The following CRADD variants were observed in gnomAD, a reference collection of about 807,000 sequenced individuals.
CRADD encodes death domain-containing protein CRADD.
CRADD carries 9 observed loss-of-function variants against 15.5 expected under a neutral mutation model. That is an observed-to-expected ratio of 0.58 (90% CI 0.35 to 1.01). CRADD has a LOEUF of 1.01. Ranked by LOEUF, CRADD falls within the 50% of genes least tolerant of loss-of-function variation. CRADD has a pLI of 0.02. For missense variants in CRADD, 227 were observed against 250.3 expected (o/e 0.91, Z 0.63); for synonymous variants, 118 against 107.6 (o/e 1.10, Z -0.60).
At chr12:93,685,255 A>G (rs2136799223) in intron 2 of CRADD, among the ~76,000 whole-genome samples, 1 of 152,134 alleles carries the variant, frequency 6.6e-6, no homozygotes, top group East Asian at 1.9e-4. Context: ...TAGAGACTAG[A>G]ATTGTGGTTA....
At chr12:93,840,493 T>C (rs182106100) in intron 2 of CRADD, among the ~76,000 whole-genome samples, 32 of 152,306 alleles carry the variant, frequency 2.1e-4, no homozygotes, top group African/African-American at 7.7e-4. Flanking sequence ...TTAGGTCATA[T>C]TGTCTGAAAA....
At chr12:93,719,712 A>G (rs1956224709) in intron 2 of CRADD, among the ~76,000 whole-genome samples, 1 of 152,168 alleles carries the variant, frequency 6.6e-6, no homozygotes, top group African/African-American at 2.4e-5. Flanking sequence ...CAGGTATGTT[A>G]TCAAATTTGT....
At chr12:93,704,531 A>T (rs994843993) in intron 2 of CRADD, among the ~76,000 whole-genome samples, 2 of 152,094 alleles carry the variant, frequency 1.3e-5, no homozygotes, top group Admixed American at 1.3e-4. Flanking sequence ...ACATTCCCCA[A>T]ATCTGTCTAC....
intron 2 of CRADD, among the ~76,000 whole-genome samples, chr12:93,724,858 T>TATC (rs950828241): frequency 7.3e-5 from 11 of 151,430 alleles, no homozygotes; most frequent in African/African-American, 2.7e-4. Context: ...TTATTATTAT[T>TATC]ATCATTATTA....
At chr12:93,811,439 C>T (rs1957625483) in intron 2 of CRADD, among the ~76,000 whole-genome samples, 1 of 152,210 alleles carries the variant, frequency 6.6e-6, no homozygotes, top group South Asian at 2.1e-4. Flanking sequence ...GGCTGGCTAC[C>T]TATACTGGCA....
intron 2 of CRADD, among the ~76,000 whole-genome samples, chr12:93,679,470 G>C (rs1955236348): frequency 6.6e-6 from 1 of 152,124 alleles, no homozygotes; most frequent in Non-Finnish European, 1.5e-5. Context: ...TTTGAAGTTG[G>C]GATGTAAGGC....
At chr12:93,819,110 G>A (rs1370115434) in intron 2 of CRADD, among the ~76,000 whole-genome samples, 1 of 152,248 alleles carries the variant, frequency 6.6e-6, no homozygotes, top group Admixed American at 6.5e-5. Context: ...TGTCACCCAT[G>A]TGGGCAGGCC....
At chr12:93,682,019 A>G (rs1045110935) in intron 2 of CRADD, among the ~76,000 whole-genome samples, 1 of 152,188 alleles carries the variant, frequency 6.6e-6, no homozygotes, top group Admixed American at 6.5e-5. Context: ...AATATTTTTT[A>G]CATGTTTAAA....
At chr12:93,864,902 C>T (rs985876799) in intron 2 of CRADD, among the ~76,000 whole-genome samples, 1 of 152,162 alleles carries the variant, frequency 6.6e-6, no homozygotes, top group African/African-American at 2.4e-5. Flanking sequence ...CCTCATAACA[C>T]CGTTATAAGG....
intron 2 of CRADD, among the ~76,000 whole-genome samples, chr12:93,841,871 T>TA (rs1298019870): frequency 1.3e-5 from 2 of 152,148 alleles, no homozygotes; most frequent in South Asian, 2.1e-4. Context: ...ATATGACACT[T>TA]ACATCAGTAA....
At chr12:93,844,300 T>C (rs1958086615) in intron 2 of CRADD, among the ~76,000 whole-genome samples, 1 of 152,182 alleles carries the variant, frequency 6.6e-6, no homozygotes. Context: ...GTTGACATCC[T>C]TGGGACTCTC....
chr12:93,836,370 C>T (rs561679320), intron 2 of CRADD, among the ~76,000 whole-genome samples: 1 of 152,176 alleles, frequency 6.6e-6, no homozygotes, highest in African/African-American at 2.4e-5. Context: ...TTTCTTCATT[C>T]CCTTAGGTGT....
chr12:93,808,296 A>G (rs1466247769), intron 2 of CRADD, among the ~76,000 whole-genome samples: 1 of 152,158 alleles, frequency 6.6e-6, no homozygotes, highest in Non-Finnish European at 1.5e-5. Flanking sequence ...CCTCACAATC[A>G]TGGCAGAAGG....
At chr12:93,725,179 G>A (rs376345279) in intron 2 of CRADD, among the ~76,000 whole-genome samples, 1 of 152,170 alleles carries the variant, frequency 6.6e-6, no homozygotes. Flanking sequence ...TATTTTTTAT[G>A]TTCATCCCCC....
At chr12:93,719,038 G>A (rs1015080326) in intron 2 of CRADD, among the ~76,000 whole-genome samples, 4 of 152,182 alleles carry the variant, frequency 2.6e-5, no homozygotes, top group Non-Finnish European at 5.9e-5. Flanking sequence ...GGGATTACAG[G>A]TGTGGGTCAC....
chr12:93,885,213 C>T (rs1284758670), intron 2 of CRADD, among the ~76,000 whole-genome samples: 1 of 152,206 alleles, frequency 6.6e-6, no homozygotes, highest in African/African-American at 2.4e-5. Flanking sequence ...ATAGTGGTCA[C>T]ATCAGGTCAA....
intron 2 of CRADD, among the ~76,000 whole-genome samples, chr12:93,779,906 T>A (rs7975577): frequency 0.52 from 79,467 of 151,996 alleles, 21,187 homozygotes; most frequent in East Asian, 0.7. Flanking sequence ...CATTTTAAGA[T>A]CAAGGAATTT....
chr12:93,828,643 A>G (rs1474484271), intron 2 of CRADD, among the ~76,000 whole-genome samples: 1 of 152,244 alleles, frequency 6.6e-6, no homozygotes, highest in African/African-American at 2.4e-5. Context: ...AAAGGTTTCC[A>G]CATGGGTGTA....
intron 2 of CRADD, among the ~76,000 whole-genome samples, chr12:93,800,807 A>T (rs1244656549): frequency 6.6e-6 from 1 of 152,126 alleles, no homozygotes; most frequent in Non-Finnish European, 1.5e-5. Flanking sequence ...CTACTCTCTT[A>T]TGAAAATACC....
Sources: allele counts gnomAD v4.1 joint callset (sites outside exome capture counted in the v4.1 genomes callset), GRCh38; gene constraint gnomAD v4.1.1; transcripts MANE v1.5; gene names NCBI Gene and HGNC (gene_info 2026-07-23, HGNC 2026-07-21).